MMP26: variants seen among roughly 807,000 people sequenced by gnomAD.
MMP26 encodes matrix metalloproteinase-26.
In MMP26, 33 loss-of-function variants were observed where a neutral mutation model predicts 31.0. The observed-to-expected ratio is 1.06, with a 90% CI of 0.81 to 1.42. The LOEUF is 1.42. Ranked by LOEUF, MMP26 falls within the 40% of genes most tolerant of loss-of-function variation. The pLI, the probability that MMP26 is intolerant of heterozygous loss-of-function variation, is 0.00. For synonymous variants in MMP26, 122 were observed against 114.9 expected, an observed-to-expected ratio of 1.06 and a Z score of -0.40; for missense variants, 347 against 316.1, an observed-to-expected ratio of 1.10 and a Z score of -0.74.
At chr11:4,742,605 A>T (rs1848329674) in intron 1 of MMP26, among the ~76,000 whole-genome samples, 1 of 151,930 alleles carries the variant, frequency 6.6e-6, no homozygotes. Context: ...CTCAATTTTT[A>T]TATATATATA....
intron 2 of MMP26, among the ~76,000 whole-genome samples, chr11:4,931,770 T>A (rs74052644): frequency 0.013 from 1,937 of 152,082 alleles, 56 homozygotes; most frequent in African/African-American, 0.044. Flanking sequence ...TAAGTTTTGA[T>A]AGAGAGAAAT....
At chr11:4,975,502 T>G (rs1481349164) in intron 2 of MMP26, among the ~76,000 whole-genome samples, 1 of 152,106 alleles carries the variant, frequency 6.6e-6, no homozygotes, top group Admixed American at 6.6e-5. Flanking sequence ...GATTGTTATT[T>G]GCTTATTTAT....
At chr11:4,764,595 G>A (rs981376593) in intron 1 of MMP26, among the ~76,000 whole-genome samples, 34 of 152,208 alleles carry the variant, frequency 2.2e-4, no homozygotes, top group African/African-American at 8.2e-4. Context: ...ACTGGGCAGG[G>A]CGCAGTGGTT....
chr11:4,905,357 C>A (rs186789034), intron 2 of MMP26, among the ~76,000 whole-genome samples: 1 of 152,140 alleles, frequency 6.6e-6, no homozygotes, highest in Admixed American at 6.6e-5. Context: ...GCCAAAATGT[C>A]TCTTAGTACC....
rs1397027968 is a variant in MMP26, at chr11:4,737,432, T to C, written c.-216-29838T>C. ...GCCGAGGTGGGTGGATCACCTGAGG[T>C]CGGGAGTTTGAGACCAGCCTGACCA... On this transcript the variant is annotated intron_variant, in intron 1 of 7. Transcript: ENST00000380390. Among the ~76,000 whole-genome samples the C allele has an allele frequency of 4.6e-5, 7 of 152,028 alleles. No individual in the cohort carries two copies. The South Asian group carries it at 6.2e-4, about 14-fold the overall frequency.
chr11:4,904,096 CT>C (rs1262445678), intron 2 of MMP26, among the ~76,000 whole-genome samples: 2 of 152,074 alleles, frequency 1.3e-5, no homozygotes, highest in African/African-American at 4.8e-5. Context: ...GACTTGATGT[CT>C]GGAAGGAAAA....
chr11:4,981,944 G>T (rs920440182), intron 2 of MMP26, among the ~76,000 whole-genome samples: 1 of 151,670 alleles, frequency 6.6e-6, no homozygotes, highest in Non-Finnish European at 1.5e-5. Context: ...TGTCCCACTG[G>T]AAGGTCTTCA....
intron 2 of MMP26, among the ~76,000 whole-genome samples, chr11:4,815,361 G>C (rs1295132567): frequency 6.6e-6 from 1 of 152,132 alleles, no homozygotes; most frequent in Non-Finnish European, 1.5e-5. Context: ...TTAGGGTAAA[G>C]ATCTTGAGGC....
intron 2 of MMP26, among the ~76,000 whole-genome samples, chr11:4,912,328 A>G (rs752105382): frequency 5.3e-5 from 8 of 152,198 alleles, no homozygotes; most frequent in Non-Finnish European, 7.4e-5. Flanking sequence ...CCCCAAGTTT[A>G]GTATACTTGC....
chr11:4,891,995 A>G (rs1850631526), intron 2 of MMP26, among the ~76,000 whole-genome samples: 1 of 152,114 alleles, frequency 6.6e-6, no homozygotes, highest in South Asian at 2.1e-4. Flanking sequence ...GCTTTGTAGC[A>G]TTAAGCATAT....
At position 4,789,803 on chromosome 11, in the gene MMP26, G is replaced by A. The variant is rs117403859; in HGVS notation, c.-145+22462G>A. On this transcript the variant is annotated intron_variant, in intron 2 of 7. Coordinates refer to ENST00000380390, the MANE Select transcript of MMP26 (RefSeq NM_021801.5). ...GATATGCCCGCCCCAGCCTCCTAAAGTGCTGGGAAGCACTTCACAGGTGTG... is the reference window on the plus strand; with the variant it reads ...GATATGCCCGCCCCAGCCTCCTAAAATGCTGGGAAGCACTTCACAGGTGTG... Among the ~76,000 whole-genome samples, 90 of 151,828 alleles carry A rather than the reference G, an allele frequency of 5.9e-4. No individual in the cohort carries two copies. The East Asian group carries it at 0.013, about 22-fold the overall frequency.
At position 4,739,964 on chromosome 11, in the gene MMP26, T is replaced by C. The variant is rs951446212; in HGVS notation, c.-216-27306T>C. 3.9e-5 allele frequency among the ~76,000 whole-genome samples: 6 copies of C among 152,194 alleles called. No homozygotes were observed. The East Asian group carries it at 9.6e-4, about 24-fold the overall frequency. On this transcript the variant is annotated intron_variant, in intron 1 of 7. Coordinates refer to ENST00000380390, the MANE Select transcript of MMP26 (RefSeq NM_021801.5). The stretch of plus-strand genomic sequence containing the variant: ...ATAAGCTTGTGGGCATTATTTAATA[T>C]CCTAAATATATGAAATATTATGGCA...
intron 2 of MMP26, among the ~76,000 whole-genome samples, chr11:4,940,270 ACTGGGCATGC>A (rs1846188805): frequency 6.6e-6 from 1 of 152,120 alleles, no homozygotes; most frequent in Non-Finnish European, 1.5e-5. Context: ...TATCATACAG[ACTGGGCATGC>A]CTGGATGGAC....
intron 2 of MMP26, among the ~76,000 whole-genome samples, chr11:4,883,609 C>A (rs937417093): frequency 6.6e-6 from 1 of 152,094 alleles, no homozygotes; most frequent in Admixed American, 6.6e-5. Context: ...GATTCCATAG[C>A]TACTCCATTG....
At chr11:4,907,645 T>A (rs148550936) in intron 2 of MMP26, 1 of 1,614,082 alleles carries the variant, frequency 6.2e-7, no homozygotes, top group East Asian at 2.2e-5. Flanking sequence ...CCATGGGAAT[T>A]TCACCTAATG....
At chr11:4,917,034 C>T (rs1353745224) in intron 2 of MMP26, among the ~76,000 whole-genome samples, 1 of 152,162 alleles carries the variant, frequency 6.6e-6, no homozygotes. Flanking sequence ...CAGTGATCTT[C>T]CATTCTCAAT....
At chr11:4,835,066 T>C (rs959142714) in intron 2 of MMP26, among the ~76,000 whole-genome samples, 1 of 152,112 alleles carries the variant, frequency 6.6e-6, no homozygotes, top group Non-Finnish European at 1.5e-5. Context: ...AAGATCCCAC[T>C]ACTCACAGTG....
intron 2 of MMP26, chr11:4,908,370 G>A (rs1263543290): frequency 7.3e-7 from 1 of 1,365,686 alleles, no homozygotes; most frequent in Non-Finnish European, 1.0e-6. Context: ...TTTGCTATGT[G>A]CTTAATGCCA....
chr11:4,848,125 A>C, intron 2 of MMP26: 1 of 1,137,282 alleles, frequency 8.8e-7, no homozygotes, highest in Non-Finnish European at 1.2e-6. Context: ...CTACATGCAC[A>C]TATATGCACT....
Sources: allele counts gnomAD v4.1 joint callset (sites outside exome capture counted in the v4.1 genomes callset), GRCh38; gene constraint gnomAD v4.1.1; transcripts MANE v1.5; gene names NCBI Gene and HGNC (gene_info 2026-07-23, HGNC 2026-07-21).